KDELR3: variants seen among roughly 807,000 people sequenced by gnomAD.
KDELR3 encodes the protein ER lumen protein-retaining receptor 3.
KDELR3 carries 26 observed loss-of-function variants against 22.7 expected under a neutral mutation model. The ratio of observed to expected loss-of-function variants is 1.15; its 90% CI spans 0.84 to 1.59. KDELR3 has a LOEUF of 1.59. Ranked by LOEUF, KDELR3 falls within the 40% of genes most tolerant of loss-of-function variation. KDELR3 has a pLI of 0.00. For missense variants in KDELR3, 289 were observed against 251.1 expected (o/e 1.15, Z -1.02); for synonymous variants, 120 against 98.2 (o/e 1.22, Z -1.31).
Position 38,468,302 on chromosome 22 carries a change from C to T in KDELR3, c.69C>T (p.Ile23=), listed in dbSNP as rs765298454. 4.3e-6 allele frequency: 7 copies of T among 1,613,716 alleles called. No homozygotes were observed. In the African/African-American group the frequency reaches 8.0e-5, roughly 18 times the overall value. The change falls in exon 1 of 5, where the codon ATC becomes ATT. Residue 23 remains isoleucine (I), a synonymous_variant. Transcript: ENST00000216014. ...LLAMILLLGK[I]WRSKCCKGIS... ...CCATGATCTTGCTGCTGGGGAAGAT[C>T]TGGAGGTCCAAGTGCTGCAAGGGTG... is the stretch of plus-strand genomic sequence containing the variant.
At chr22:38,480,572 CCT>C (rs1171006111) in intron 3 of KDELR3, among the ~76,000 whole-genome samples, 2 of 151,590 alleles carry the variant, frequency 1.3e-5, no homozygotes, top group African/African-American at 2.4e-5. Flanking sequence ...ACAGTGAAAC[CCT>C]GTCTCTACTG....
intron 1 of KDELR3, among the ~76,000 whole-genome samples, chr22:38,470,463 CGGTTTGTTGGAGG>C (rs1328438897): frequency 3.9e-5 from 6 of 152,098 alleles, no homozygotes; most frequent in Non-Finnish European, 8.8e-5. Flanking sequence ...GCAAATGACA[CGGTTTGTTGGAGG>C]CCATAGTGAG....
At chr22:38,468,661 G>A (rs2089503378) in intron 1 of KDELR3, among the ~76,000 whole-genome samples, 2 of 152,110 alleles carry the variant, frequency 1.3e-5, no homozygotes, top group South Asian at 4.1e-4. Flanking sequence ...ACCATCGACT[G>A]TGGGGAGAAG....
intron 2 of KDELR3, among the ~76,000 whole-genome samples, chr22:38,475,473 G>A (rs927639924): frequency 3.9e-5 from 6 of 151,936 alleles, no homozygotes; most frequent in African/African-American, 1.5e-4. Flanking sequence ...GTGAGATCCC[G>A]TCTCAAGAAA....
chr22:38,479,134 A>C (rs1286758749), intron 2 of KDELR3, among the ~76,000 whole-genome samples: 1 of 152,022 alleles, frequency 6.6e-6, no homozygotes, highest in African/African-American at 2.4e-5. Context: ...GGGAGGCTGG[A>C]GCAGGAGGAT....
intron 4 of KDELR3, among the ~76,000 whole-genome samples, chr22:38,482,278 C>G (rs779100623): frequency 5.9e-5 from 9 of 152,242 alleles, no homozygotes; most frequent in East Asian, 3.9e-4. Context: ...CAATTTGAGG[C>G]CAATCGCTAA....
chr22:38,470,269 G>A (rs570911948), intron 1 of KDELR3, among the ~76,000 whole-genome samples: 1 of 149,512 alleles, frequency 6.7e-6, no homozygotes, highest in Non-Finnish European at 1.5e-5. Context: ...GATTACAGAC[G>A]CCCGCCATCA....
chr22:38,475,239 G>T (rs1046080198), intron 2 of KDELR3, among the ~76,000 whole-genome samples: 6 of 152,090 alleles, frequency 3.9e-5, no homozygotes, highest in African/African-American at 1.2e-4. Context: ...ACTTTGGGAG[G>T]CCAAGGCGAG....
chr22:38,482,530 A>C lies in KDELR3; in HGVS notation c.639A>C (p.Pro213=), dbSNP rs779725367. The change falls in exon 5 of 5, where the codon CCA becomes CCC. Residue 213 remains proline (P), a synonymous_variant. Transcript: ENST00000216014. ...LKGKKLSLPM[P]I ...GAAAGAAGTTAAGTCTTCCAATGCC[A>C]ATCTGAGGACCTTCAGAGACAGTCT... 4 of 1,612,364 alleles carry C rather than the reference A, an allele frequency of 2.5e-6. No homozygotes were observed. Among genetic ancestry groups the C allele is most frequent in the Admixed American group, 1.7e-5 (1 of 60,010 alleles).
intron 1 of KDELR3, 31 bp downstream of exon 1, chr22:38,468,355 C>A (rs773252499): frequency 1.3e-6 from 2 of 1,599,254 alleles, no homozygotes; most frequent in Non-Finnish European, 1.7e-6. Flanking sequence ...AGGTGCGGGA[C>A]CCCCTCTCTG....
intron 2 of KDELR3, 149 bp downstream of exon 2, chr22:38,474,772 G>A (rs1446153122): frequency 1.5e-5 from 10 of 652,172 alleles, no homozygotes; most frequent in Non-Finnish European, 2.7e-5. Flanking sequence ...CCTCATCTTG[G>A]GCCTCTTTGT....
chr22:38,481,602 AAT>A (rs1341810959), intron 4 of KDELR3, 138 bp downstream of exon 4: 1 of 1,508,236 alleles, frequency 6.6e-7, no homozygotes, highest in Admixed American at 2.2e-5. Context: ...CAAGAAGACA[AAT>A]ATTTTCAATA....
rs1161521449 is a variant in KDELR3 at position 38,482,544 on chromosome 22, CAG to C, written c.*12_*13del. 1.9e-6 allele frequency: 3 copies of C among 1,609,056 alleles called. No individual in the cohort carries two copies. The highest frequency in any genetic ancestry group is 1.1e-5 in the South Asian group (1 of 90,966). ...CTTCCAATGCCAATCTGAGGACCTT[CAG>C]AGACAGTCTACGCCTTAACAAGCAC... On this transcript the variant is annotated 3_prime_UTR_variant, in exon 5 of 5. Transcript: ENST00000216014.
At chr22:38,480,928 T>C (rs1413501737) in intron 3 of KDELR3, among the ~76,000 whole-genome samples, 1 of 150,352 alleles carries the variant, frequency 6.7e-6, no homozygotes, top group East Asian at 2.0e-4. Flanking sequence ...CAAGACCCTA[T>C]CTTAAAAAAA....
At chr22:38,472,793 G>C (rs945514553) in intron 1 of KDELR3, among the ~76,000 whole-genome samples, 1 of 152,110 alleles carries the variant, frequency 6.6e-6, no homozygotes, top group Non-Finnish European at 1.5e-5. Context: ...TCCACCTCCT[G>C]GGTTCAAGCG....
At position 38,479,724 on chromosome 22, in the gene KDELR3, T is replaced by C. The variant is rs189590805; in HGVS notation, c.324T>C (p.Leu108=). The C allele has an allele frequency of 9.7e-5, 156 of 1,614,202 alleles. 1 individual carries two copies. The highest frequency in any genetic ancestry group is 6.0e-4 in the Admixed American group (36 of 60,024). The change falls in exon 3 of 5, where the codon CTT becomes CTC. Residue 108 remains leucine, a synonymous_variant. Transcript: ENST00000216014. ...LLVPVIGLSF[L]ENYSFTLLEI... is the part of the protein sequence containing the mutation. ...TCCCAGTCATTGGCCTTTCCTTCCTTGAAAACTACAGTTTCACTCTGCTGG... is the reference window on the plus strand; with the variant it reads ...TCCCAGTCATTGGCCTTTCCTTCCTCGAAAACTACAGTTTCACTCTGCTGG...
chr22:38,470,180 G>A (rs2089516357), intron 1 of KDELR3, among the ~76,000 whole-genome samples: 1 of 150,898 alleles, frequency 6.6e-6, no homozygotes. Context: ...CTGGAGTGCA[G>A]TGGCGCAATC....
At chr22:38,477,327 C>G (rs889546019) in intron 2 of KDELR3, among the ~76,000 whole-genome samples, 1 of 151,894 alleles carries the variant, frequency 6.6e-6, no homozygotes, top group Non-Finnish European at 1.5e-5. Context: ...GCCTCAGCCT[C>G]CTGAGTAGCT....
rs766351927 is a variant in KDELR3, at chr22:38,468,366, G to A, written c.91+42G>A. ...AGGGAGGTGCGGGACCCCCTCTCTG[G>A]CCAGCCTCATGCCCCTGCGTGCAGG... On this transcript the variant is annotated intron_variant, in intron 1 of 4. Transcript: ENST00000216014. 8 of 1,584,184 alleles carry A rather than the reference G, an allele frequency of 5.0e-6. No individual in the cohort carries two copies. In the East Asian group the frequency reaches 9.0e-5, roughly 18 times the overall value.
Sources: gnomAD v4.1 joint callset for allele counts (sites outside exome capture counted in the v4.1 genomes callset) on GRCh38, gnomAD v4.1.1 for gene constraint, MANE v1.5 for transcripts, NCBI Gene and HGNC (gene_info 2026-07-23, HGNC 2026-07-21) for gene names.